ARAF: variants seen among roughly 807,000 people sequenced by gnomAD.
ARAF encodes the protein A-Raf proto-oncogene, serine/threonine kinase.
ARAF carries 18 observed loss-of-function variants against 48.0 expected under a neutral mutation model. The observed-to-expected ratio is 0.37, with a 90% confidence interval of 0.26 to 0.56. The LOEUF (loss-of-function observed/expected upper bound fraction) is 0.56. Ranked by LOEUF, ARAF falls within the 20% of genes least tolerant of loss-of-function variation. ARAF has a pLI of 0.77. For missense variants in ARAF, 389 were observed against 543.1 expected (o/e 0.72, Z 2.82); for synonymous variants, 207 against 220.1 (o/e 0.94, Z 0.53).
rs754420498 is a variant in ARAF, at chrX:47,569,564, G to T, written c.1326G>T (p.Thr442=). The change falls in exon 13 of 16, where the codon ACG becomes ACT. Residue 442 remains threonine, a synonymous_variant. Coordinates refer to ENST00000377045, the MANE Select transcript of ARAF (RefSeq NM_001654.5). The part of the protein sequence containing the change: ...SNNIFLHEGL[T]VKIGDFGLAT... Reference sequence around the variant, plus strand: ...ACATCTTCCTACATGAGGGGCTCACGGTGAAGATCGGTGACTTTGGCTTGG... The same window carrying T: ...ACATCTTCCTACATGAGGGGCTCACTGTGAAGATCGGTGACTTTGGCTTGG... 52 of 1,206,404 alleles carry T rather than the reference G, an allele frequency of 4.3e-5. No homozygotes were observed. The highest frequency in any genetic ancestry group is 5.8e-5 in the Non-Finnish European group (52 of 893,206).
In ARAF at chrX:47,565,729, T is replaced by G. The variant is rs188382893; in HGVS notation, c.557+379T>G. ...ATTCTAGTATAATCATACTCAAGCC[T>G]TTCCATTTTGAAATACGTATTATTT... is the stretch of plus-strand genomic sequence containing the variant. On this transcript the variant is annotated intron_variant, in intron 6 of 15. Coordinates refer to ENST00000377045, the MANE Select transcript of ARAF (RefSeq NM_001654.5). 958 of 121,969 alleles carry G rather than the reference T, an allele frequency of 7.9e-3. 13 individuals carry two copies. Among genetic ancestry groups the G allele is most frequent in the African/African-American group, 0.029 (892 of 30,866 alleles). The allele number at this position is 121,969 out of a possible 1,213,427, so 10.1% of individuals were successfully genotyped here.
chrX:47,563,810 C>A (rs904653619), intron 3 of ARAF, among the ~76,000 whole-genome samples: 1 of 111,646 alleles, frequency 9.0e-6, no homozygotes, highest in Non-Finnish European at 1.9e-5. Flanking sequence ...TTGGCATGTC[C>A]GAATTGCCAC....
At position 47,565,340 on chromosome X, in the gene ARAF, C is replaced by T; in HGVS notation, c.547C>T (p.Gln183Ter). ...CCCCCTGAATGAGTTGCTAACCCCC[C>T]AGGGTCCCAGGTAGGGATGCCTTAG... Reference protein sequence around the residue: ...NRPLNELLTPQGPSPRTQHCD... With the variant: ...NRPLNELLTP The change falls in exon 6 of 16, where the codon CAG (glutamine) becomes TAG (stop). Residue 183 changes from glutamine to a stop codon, truncating the protein, a stop_gained. Coordinates refer to ENST00000377045, the MANE Select transcript of ARAF (RefSeq NM_001654.5). LOFTEE classifies it high-confidence loss of function. 3.3e-6 allele frequency: 4 copies of T among 1,210,854 alleles called. No individual in the cohort carries two copies. Among genetic ancestry groups the T allele is most frequent in the Non-Finnish European group, 4.5e-6 (4 of 894,745 alleles).
At chrX:47,561,980 C>G (rs1233485143) in intron 1 of ARAF, among the ~76,000 whole-genome samples, 1 of 92,293 alleles carries the variant, frequency 1.1e-5, no homozygotes, top group Admixed American at 1.2e-4. Flanking sequence ...CCCCCCCCCC[C>G]CATGAATTCC....
rs1375600064 is a variant in ARAF, at chrX:47,561,250, A to C, written c.-61A>C. ...ACGGCGGCGGCTGTAGCGGCGTGACAGGTGAGGGCGGGCCCGGGAGGGCTC... is the reference window on the plus strand; with the variant it reads ...ACGGCGGCGGCTGTAGCGGCGTGACCGGTGAGGGCGGGCCCGGGAGGGCTC... On this transcript the variant is annotated splice_region_variant and 5_prime_UTR_variant, in exon 1 of 16. Transcript: ENST00000377045. The C allele has an allele frequency of 8.9e-6, 1 of 112,241 alleles. No individual in the cohort carries two copies. Among genetic ancestry groups the C allele is most frequent in the Non-Finnish European group, 1.9e-5 (1 of 53,214 alleles). 9.2% of individuals were successfully genotyped at this position (112,241 alleles called of 1,213,427 possible). A position where few individuals can be genotyped will look rare whatever the true frequency, so the allele number is the denominator to read the frequency against.
At chrX:47,571,256 T>C in intron 15 of ARAF, 67 bp from the exon 16 acceptor site, 3 of 1,112,454 alleles carry the variant, frequency 2.7e-6, no homozygotes, top group Non-Finnish European at 3.6e-6. Flanking sequence ...TGTTTCGCCA[T>C]GAGGCTGGGG....
At chrX:47,570,445 T>G (rs887579348) in intron 14 of ARAF, among the ~76,000 whole-genome samples, 4 of 110,645 alleles carry the variant, frequency 3.6e-5, no homozygotes, top group African/African-American at 1.3e-4. Context: ...AGAACCCCTT[T>G]GTGCTTCTGG....
At chrX:47,567,161 A>G (rs889850787) in intron 9 of ARAF, 30 bp downstream of exon 9, 2 of 1,207,907 alleles carry the variant, frequency 1.7e-6, no homozygotes, top group African/African-American at 3.5e-5. Context: ...TTTTGGGGCC[A>G]CCAAGGCTGA....
chrX:47,566,956 C>T (rs1603045037), intron 8 of ARAF, 30 bp from the exon 9 acceptor site: 2 of 1,211,760 alleles, frequency 1.7e-6, no homozygotes, highest in South Asian at 1.8e-5. Context: ...GCCCCACTTA[C>T]CTCCACTCAC....
At position 47,565,083 on chromosome X, in the gene ARAF, G is replaced by A. The variant is rs2057726603; in HGVS notation, c.402G>A (p.Gln134=). The stretch of plus-strand genomic sequence containing the variant: ...AAACCTGTGGCTACAAGTTCCACCA[G>A]CATTGTTCCTCCAAGGTCCCCACAG... ...RCQTCGYKFH[Q]HCSSKVPTVC... is the part of the protein sequence containing the mutation. Residue 134 remains glutamine (Q), a synonymous_variant, in exon 5 of 16, where the codon CAG becomes CAA. Transcript: ENST00000377045. 8.3e-7 allele frequency: 1 copy of A among 1,211,779 alleles called. No individual in the cohort carries two copies. The highest frequency in any genetic ancestry group is 1.1e-6 in the Non-Finnish European group (1 of 895,499).
chrX:47,569,075 A>G (rs769320920), intron 12 of ARAF, 42 bp downstream of exon 12: 16 of 1,155,589 alleles, frequency 1.4e-5, no homozygotes, highest in African/African-American at 1.8e-5. Flanking sequence ...GGGGGTGTCA[A>G]GGGCTTAGAA....
In ARAF at chrX:47,567,435, G is replaced by A; in HGVS notation, c.1076+3G>A. Reference sequence around the variant, plus strand: ...AAGAATGAGATGCAGGTGCTCAGGTGAGGTGGCATGTGTGCGTGGATGGGG... The same window carrying A: ...AAGAATGAGATGCAGGTGCTCAGGTAAGGTGGCATGTGTGCGTGGATGGGG... On this transcript the variant is annotated splice_donor_region_variant and intron_variant, in intron 10 of 15. Transcript: ENST00000377045. The A allele has an allele frequency of 4.2e-6, 5 of 1,198,612 alleles. No homozygotes were observed. Among genetic ancestry groups the A allele is most frequent in the African/African-American group, 1.7e-5 (1 of 57,663 alleles).
intron 15 of ARAF, 93 bp from the exon 16 acceptor site, chrX:47,571,212 GGTGTGTGTGTGTGTGTGT>G: frequency 5.2e-6 from 3 of 577,817 alleles, no homozygotes; most frequent in Non-Finnish European, 6.9e-6. Flanking sequence ...GGGACTGTTG[GGTGTGTGTGTGTGTGTGT>G]GTGTGTGTGT....
Position 47,568,765 on chromosome X carries a change from G to A in ARAF, c.1124G>A (p.Arg375Gln), listed in dbSNP as rs145056294. The A allele has an allele frequency of 5.0e-6, 6 of 1,211,322 alleles. No homozygotes were observed. Among genetic ancestry groups the A allele is most frequent in the East Asian group, 3.0e-5 (1 of 33,826 alleles). The change falls in exon 11 of 16, where the codon CGG becomes CAG. Residue 375 changes from arginine to glutamine, a missense_variant. Arg to Gln is a conservative substitution (Grantham distance 43). Around this residue, in one of 4 missense-constraint regions of ARAF, gnomAD observed 170 missense variants for 281.4 expected, o/e 0.60. Transcript: ENST00000377045. The part of the protein sequence containing the change: ...NILLFMGFMT[R>Q]PGFAIITQWC... ...TTGCTGTTTATGGGCTTCATGACCCGGCCGGGATTTGCCATCATCACACAG... is the reference window on the plus strand; with the variant it reads ...TTGCTGTTTATGGGCTTCATGACCCAGCCGGGATTTGCCATCATCACACAG...
At chrX:47,566,213 A>G (rs972328498) in intron 6 of ARAF, among the ~76,000 whole-genome samples, 2 of 111,826 alleles carry the variant, frequency 1.8e-5, no homozygotes, top group Non-Finnish European at 3.8e-5. Context: ...AATATGATAC[A>G]TTACCCTTTC....
chrX:47,567,494 A>G, intron 10 of ARAF, 62 bp downstream of exon 10: 6 of 1,109,569 alleles, frequency 5.4e-6, no homozygotes, highest in Non-Finnish European at 7.3e-6. Flanking sequence ...TCTCTGGGAA[A>G]AGGCCATGCT....
intron 14 of ARAF, among the ~76,000 whole-genome samples, chrX:47,570,466 G>T (rs1043633966): frequency 9.1e-6 from 1 of 110,344 alleles, no homozygotes; most frequent in Non-Finnish European, 1.9e-5. Context: ...AATAGTCATG[G>T]ACACCCACAG....
Position 47,565,057 on chromosome X carries a change from C to T in ARAF, c.376C>T (p.Gln126Ter). The change falls in exon 5 of 16, where the codon CAA (glutamine) becomes TAA (stop). Residue 126 changes from glutamine to a stop codon, truncating the protein, a stop_gained. Coordinates refer to ENST00000377045, the MANE Select transcript of ARAF (RefSeq NM_001654.5). LOFTEE classifies it high-confidence loss of function. The stretch of plus-strand genomic sequence containing the variant: ...GTTTCTGTTCCATGGCTTCCGTTGC[C>T]AAACCTGTGGCTACAAGTTCCACCA... Reference protein sequence around the residue: ...LKFLFHGFRCQTCGYKFHQHC... With the variant: ...LKFLFHGFRC The T allele has an allele frequency of 8.3e-7, 1 of 1,211,564 alleles. No individual in the cohort carries two copies. The highest frequency in any genetic ancestry group is 1.1e-6 in the Non-Finnish European group (1 of 895,366).
At position 47,567,745 on chromosome X, in the gene ARAF, A is replaced by G. The variant is rs149184484; in HGVS notation, c.1076+313A>G. On this transcript the variant is annotated intron_variant, in intron 10 of 15. Transcript: ENST00000377045. ...CCACCATTCTTGTTACTGCATTGCCAGGAAGGCTTCCATCTTTCCTTCCCC... is the reference window on the plus strand; with the variant it reads ...CCACCATTCTTGTTACTGCATTGCCGGGAAGGCTTCCATCTTTCCTTCCCC... 4.4e-3 allele frequency among the ~76,000 whole-genome samples: 493 copies of G among 110,967 alleles called. 2 individuals carry two copies. Among genetic ancestry groups the G allele is most frequent in the African/African-American group, 0.015 (459 of 30,464 alleles).
Sources: allele counts gnomAD v4.1 joint callset (sites outside exome capture counted in the v4.1 genomes callset), GRCh38; gene constraint gnomAD v4.1.1; regional missense constraint gnomAD v4.1.1; transcripts MANE v1.5; gene names NCBI Gene and HGNC (gene_info 2026-07-23, HGNC 2026-07-21).